The following KDM4B variants were observed in gnomAD, a reference collection of about 807,000 sequenced individuals.
KDM4B encodes lysine-specific demethylase 4B.
Under a neutral mutation model 125.2 loss-of-function variants are expected in KDM4B, and 32 were observed. That is an observed-to-expected ratio of 0.26 (90% CI 0.19 to 0.34). KDM4B has a LOEUF of 0.34. KDM4B is among the 10% of genes least tolerant of loss of function. The pLI, the probability that KDM4B is intolerant of heterozygous loss-of-function variation, is 1.00. For synonymous variants in KDM4B, 721 were observed against 677.9 expected (o/e 1.06, Z -0.99); for missense variants, 1,190 against 1,577.7 (o/e 0.75, Z 4.16).
chr19:5,031,553 GTC>G (rs2036458988), intron 2 of KDM4B, among the ~76,000 whole-genome samples: 1 of 152,246 alleles, frequency 6.6e-6, no homozygotes, highest in African/African-American at 2.4e-5. Flanking sequence ...CCCAGTGGGG[GTC>G]TCTCAGCAGC....
chr19:4,979,292 C>G (rs1184025931), intron 1 of KDM4B, among the ~76,000 whole-genome samples: 1 of 152,054 alleles, frequency 6.6e-6, no homozygotes, highest in African/African-American at 2.4e-5. Flanking sequence ...CAAAAAAACC[C>G]CAAAAAACCA....
chr19:5,072,865 A>G (rs1029370539), intron 7 of KDM4B, among the ~76,000 whole-genome samples: 1 of 152,118 alleles, frequency 6.6e-6, no homozygotes, highest in Non-Finnish European at 1.5e-5. Flanking sequence ...CAGTGTCTAG[A>G]GGCCGCCCGC....
intron 11 of KDM4B, among the ~76,000 whole-genome samples, chr19:5,125,487 CAG>C (rs2039433180): frequency 1.3e-5 from 2 of 152,228 alleles, no homozygotes; most frequent in Admixed American, 6.5e-5. Context: ...ATGGCTCGTC[CAG>C]CTGCCTGGCG....
At position 5,023,471 on chromosome 19, in the gene KDM4B, C is replaced by T. The variant is rs149513915; in HGVS notation, c.-26+7132C>T. Reference sequence around the variant, plus strand: ...TTCACTTGGGAACCTGGCTGCATCGCGGGTTCCTCCTGGGCCTTCTGGTGG... The same window carrying T: ...TTCACTTGGGAACCTGGCTGCATCGTGGGTTCCTCCTGGGCCTTCTGGTGG... On this transcript the variant is annotated intron_variant, in intron 2 of 22. Coordinates refer to ENST00000159111, the MANE Select transcript of KDM4B (RefSeq NM_015015.3). 7.4e-3 allele frequency among the ~76,000 whole-genome samples: 1,130 copies of T among 152,324 alleles called. 11 individuals carry two copies. Among genetic ancestry groups the T allele is most frequent in the Non-Finnish European group, 0.012 (820 of 68,032 alleles).
intron 9 of KDM4B, among the ~76,000 whole-genome samples, chr19:5,090,069 C>G (rs2038640609): frequency 6.6e-6 from 1 of 152,166 alleles, no homozygotes; most frequent in South Asian, 2.1e-4. Flanking sequence ...TGGCCCCCTT[C>G]CTCCCTGCTG....
chr19:5,042,720 G>A (rs182819720), intron 5 of KDM4B, among the ~76,000 whole-genome samples: 77 of 151,334 alleles, frequency 5.1e-4, no homozygotes, highest in Non-Finnish European at 8.3e-4. Flanking sequence ...GCCAGGTTTC[G>A]CGAGCACTCA....
chr19:5,041,565 T>C (rs2036819071), intron 5 of KDM4B, among the ~76,000 whole-genome samples: 1 of 152,228 alleles, frequency 6.6e-6, no homozygotes, highest in Non-Finnish European at 1.5e-5. Flanking sequence ...CTGCCGCTCG[T>C]CTTCCTGGCA....
At chr19:5,015,587 T>C (rs1045954863) in intron 1 of KDM4B, among the ~76,000 whole-genome samples, 3 of 152,320 alleles carry the variant, frequency 2.0e-5, no homozygotes, top group South Asian at 4.1e-4. Context: ...TGGTGGCTTA[T>C]GCCTGTAATC....
Position 5,035,072 on chromosome 19 carries a change from C to A in KDM4B, c.141+2041C>A, listed in dbSNP as rs558897972. On this transcript the variant is annotated intron_variant, in intron 3 of 22. Transcript: ENST00000159111. The surrounding 1 kb of genome is among the most constrained non-coding windows in gnomAD (Gnocchi z 5.3). ...CAGAACGGTGGGGGCTGCTGCCGTC[C>A]CGGCTTCAGTTCTGTCTTTAAAAGG... Among the ~76,000 whole-genome samples, 2 of 152,242 alleles carry A rather than the reference C, an allele frequency of 1.3e-5. No homozygotes were observed. The highest frequency in any genetic ancestry group is 6.8e-3 in the Middle Eastern group (2 of 294).
At position 5,035,027 on chromosome 19, in the gene KDM4B, T is replaced by A. The variant is rs546630911; in HGVS notation, c.141+1996T>A. Among the ~76,000 whole-genome samples the A allele has an allele frequency of 1.3e-5, 2 of 152,316 alleles. No homozygotes were observed. The highest frequency in any genetic ancestry group is 3.9e-4 in the East Asian group (2 of 5,174). ...ACACACCATGACGATGTGGGAATGA[T>A]GGCACATCTGTGTCCGGGTCAGAAC... On this transcript the variant is annotated intron_variant, in intron 3 of 22. Coordinates refer to ENST00000159111, the MANE Select transcript of KDM4B (RefSeq NM_015015.3). The surrounding 1 kb of genome is among the most constrained non-coding windows in gnomAD (Gnocchi z 5.3).
intron 8 of KDM4B, among the ~76,000 whole-genome samples, chr19:5,080,338 A>G (rs1220690787): frequency 2.6e-5 from 4 of 152,216 alleles, no homozygotes. Flanking sequence ...TTCTGGGGGA[A>G]TATATAATGA....
At chr19:5,125,427 A>G (rs2039432055) in intron 11 of KDM4B, among the ~76,000 whole-genome samples, 1 of 152,156 alleles carries the variant, frequency 6.6e-6, no homozygotes, top group African/African-American at 2.4e-5. Flanking sequence ...TGACAGTGGC[A>G]GTTGCCCGCT....
chr19:5,123,130 C>T (rs983657339), intron 11 of KDM4B, among the ~76,000 whole-genome samples: 1 of 152,234 alleles, frequency 6.6e-6, no homozygotes, highest in African/African-American at 2.4e-5. Flanking sequence ...CCCTCGTCTG[C>T]CCTGGAGGCA....
intron 3 of KDM4B, among the ~76,000 whole-genome samples, chr19:5,034,027 G>A (rs925652906): frequency 1.2e-4 from 19 of 152,352 alleles, no homozygotes; most frequent in African/African-American, 4.6e-4. Context: ...CCAGCTACTC[G>A]GGAGGCTGAG....
At position 5,089,151 on chromosome 19, in the gene KDM4B, C is replaced by T. The variant is rs182592129; in HGVS notation, c.918+6647C>T. Among the ~76,000 whole-genome samples, 60 of 152,290 alleles carry T rather than the reference C, an allele frequency of 3.9e-4. 1 individual carries two copies. The highest frequency in any genetic ancestry group is 4.8e-4 in the African/African-American group (20 of 41,560). ...CACTCTGTGAATACACAAGCTCCTG[C>T]GTCGCACACCTGGTGAATTGTAGGG... On this transcript the variant is annotated intron_variant, in intron 9 of 22. Coordinates refer to ENST00000159111, the MANE Select transcript of KDM4B (RefSeq NM_015015.3).
chr19:5,062,879 C>T (rs565594703), intron 6 of KDM4B, among the ~76,000 whole-genome samples: 1 of 149,662 alleles, frequency 6.7e-6, no homozygotes, highest in Non-Finnish European at 1.5e-5. Flanking sequence ...CTCTTGGACT[C>T]CAGTGATCCT....
rs758185200 is a variant in KDM4B at position 5,082,229 on chromosome 19, G to T, written c.781-138G>T. On this transcript the variant is annotated intron_variant, in intron 8 of 22. Coordinates refer to ENST00000159111, the MANE Select transcript of KDM4B (RefSeq NM_015015.3). The surrounding 1 kb of genome is among the most constrained non-coding windows in gnomAD (Gnocchi z 5.4). ...CTGGAGCCCTGGAGCCCCTGGAGCC[G>T]CTGGATCACCTTTGACTTTGTGAAA... 42 of 976,738 alleles carry T rather than the reference G, an allele frequency of 4.3e-5. No homozygotes were observed. The South Asian group carries it at 7.0e-4, about 16-fold the overall frequency. 60.5% of individuals were successfully genotyped at this position (976,738 alleles called of 1,614,324 possible).
chr19:4,985,579 G>T (rs1181393689), intron 1 of KDM4B, among the ~76,000 whole-genome samples: 4 of 152,260 alleles, frequency 2.6e-5, no homozygotes, highest in Admixed American at 2.6e-4. Flanking sequence ...TGCCATGGGA[G>T]GCTTGGAGCC....
At chr19:4,974,835 G>C (rs495555) in intron 1 of KDM4B, among the ~76,000 whole-genome samples, 1 of 151,724 alleles carries the variant, frequency 6.6e-6, no homozygotes, top group African/African-American at 2.4e-5. Context: ...GTGACTTCCT[G>C]TTGCCCTTGG....
Sources: allele counts gnomAD v4.1 joint callset (sites outside exome capture counted in the v4.1 genomes callset), GRCh38; gene constraint gnomAD v4.1.1; non-coding constraint Gnocchi (gnomAD v3.1); transcripts MANE v1.5; gene names NCBI Gene and HGNC (gene_info 2026-07-23, HGNC 2026-07-21).